Variants in FBXW7 observed in about 807,000 individuals in gnomAD.
The protein encoded by FBXW7 is F-box and WD repeat domain containing 7.
FBXW7 carries 11 observed loss-of-function variants against 86.3 expected under a neutral mutation model. The observed-to-expected ratio is 0.13, with a 90% confidence interval of 0.08 to 0.21. FBXW7 has a LOEUF of 0.21. Ranked by LOEUF, FBXW7 falls within the 10% of genes least tolerant of loss-of-function variation. The probability of loss-of-function intolerance (pLI) is 1.00; values close to 1 mark genes in which losing one functional copy is unlikely to be tolerated. For missense variants in FBXW7, 488 were observed against 847.4 expected, an observed-to-expected ratio of 0.58 and a Z score of 5.27; for synonymous variants, 313 against 297.9, an observed-to-expected ratio of 1.05 and a Z score of -0.52.
At chr4:152,449,124 T>C (rs1313021387) in intron 2 of FBXW7, among the ~76,000 whole-genome samples, 2 of 152,236 alleles carry the variant, frequency 1.3e-5, no homozygotes, top group East Asian at 3.8e-4. Flanking sequence ...AGCAAATTAC[T>C]GGATGGATTC....
chr4:152,466,708 C>T (rs913665838), intron 2 of FBXW7, among the ~76,000 whole-genome samples: 22 of 152,038 alleles, frequency 1.4e-4, no homozygotes, highest in Middle Eastern at 6.8e-3. Context: ...TTTGGGAGGC[C>T]GAGGTGGGCG....
At chr4:152,343,439 C>T (rs772365716) in intron 6 of FBXW7, among the ~76,000 whole-genome samples, 3 of 152,048 alleles carry the variant, frequency 2.0e-5, no homozygotes, top group African/African-American at 2.4e-5. Context: ...AGCAGATGTA[C>T]ATGTTTTTTC....
intron 2 of FBXW7, among the ~76,000 whole-genome samples, chr4:152,524,713 C>CT (rs538138073): frequency 6.8e-4 from 104 of 152,204 alleles, no homozygotes; most frequent in Admixed American, 1.7e-3. Context: ...CTCCCCACCT[C>CT]TGTACAACCC....
intron 2 of FBXW7, among the ~76,000 whole-genome samples, chr4:152,486,265 AAT>A (rs1175614396): frequency 6.6e-6 from 1 of 152,130 alleles, no homozygotes; most frequent in African/African-American, 2.4e-5. Flanking sequence ...AGGCTTTGTA[AAT>A]ATACACTCAA....
At chr4:152,495,190 T>C (rs776929143) in intron 2 of FBXW7, among the ~76,000 whole-genome samples, 2 of 152,162 alleles carry the variant, frequency 1.3e-5, no homozygotes, top group Non-Finnish European at 2.9e-5. Flanking sequence ...CCTAGCACTT[T>C]GGGAGGCCAA....
intron 2 of FBXW7, among the ~76,000 whole-genome samples, chr4:152,422,005 CAG>C (rs1738994350): frequency 6.6e-6 from 1 of 151,908 alleles, no homozygotes. Flanking sequence ...AAATGGGACA[CAG>C]AGACACACAG....
chr4:152,526,341 T>C (rs1749513088), intron 2 of FBXW7, among the ~76,000 whole-genome samples: 1 of 152,212 alleles, frequency 6.6e-6, no homozygotes, highest in Non-Finnish European at 1.5e-5. Flanking sequence ...GTTCTCAACA[T>C]AGAATTTCTT....
In FBXW7 at chr4:152,390,823, T is replaced by C. The variant is rs1171994079; in HGVS notation, c.501+20480A>G. ...ATTAGGACTAAGGAAATAATACTAA[T>C]ATTCTTTTAAAATACAGTAAGTAAT... On this transcript the variant is annotated intron_variant, in intron 4 of 13. Coordinates refer to ENST00000281708, the MANE Select transcript of FBXW7 (RefSeq NM_001349798.2). Among the ~76,000 whole-genome samples, 3 of 152,012 alleles carry C rather than the reference T, an allele frequency of 2.0e-5. No individual in the cohort carries two copies. In the East Asian group the frequency reaches 5.8e-4, roughly 29 times the overall value.
intron 2 of FBXW7, among the ~76,000 whole-genome samples, chr4:152,462,417 T>C (rs1006691022): frequency 6.6e-6 from 1 of 152,210 alleles, no homozygotes; most frequent in African/African-American, 2.4e-5. Context: ...TTACACTGGG[T>C]CCCCTGGGGT....
At chr4:152,428,199 A>T (rs1386700022) in intron 2 of FBXW7, among the ~76,000 whole-genome samples, 1 of 152,142 alleles carries the variant, frequency 6.6e-6, no homozygotes, top group Non-Finnish European at 1.5e-5. Flanking sequence ...ACTCATGACA[A>T]AGCAGCCTAC....
intron 4 of FBXW7, among the ~76,000 whole-genome samples, chr4:152,363,808 G>A (rs1439820869): frequency 1.3e-5 from 2 of 152,128 alleles, no homozygotes; most frequent in African/African-American, 2.4e-5. Flanking sequence ...TTTTACAGAT[G>A]AGGAAAGAGG....
intron 7 of FBXW7, among the ~76,000 whole-genome samples, chr4:152,333,110 A>T (rs1002401708): frequency 3.9e-5 from 6 of 152,184 alleles, no homozygotes; most frequent in African/African-American, 1.4e-4. Context: ...TCCCTGACAG[A>T]TAAGAAATGA....
In FBXW7 at chr4:152,411,879, G is replaced by A. The variant is rs34852439; in HGVS notation, c.-69-7C>T. On this transcript the variant is annotated splice_polypyrimidine_tract_variant and splice_region_variant and intron_variant, in intron 3 of 13. Transcript: ENST00000281708. ...ATGCAAAGGTTTTCACATTCTGCAG[G>A]GGAAAATAGGGTAAAAAACAAGATT... 1.0e-5 allele frequency: 15 copies of A among 1,460,406 alleles called. No homozygotes were observed. The highest frequency in any genetic ancestry group is 8.3e-5 in the Admixed American group (3 of 36,036). The allele number at this position is 1,460,406 out of a possible 1,614,324, so 90.5% of individuals were successfully genotyped here.
chr4:152,338,258 A>G (rs1578915258), intron 6 of FBXW7, among the ~76,000 whole-genome samples: 2 of 152,232 alleles, frequency 1.3e-5, no homozygotes, highest in Middle Eastern at 6.8e-3. Context: ...TTCCAGAAAC[A>G]TCATTTTGGG....
At chr4:152,350,754 C>T (rs1375323309) in intron 4 of FBXW7, among the ~76,000 whole-genome samples, 3 of 151,732 alleles carry the variant, frequency 2.0e-5, no homozygotes, top group African/African-American at 4.8e-5. Context: ...GGAAAGTTGT[C>T]AATTGATATA....
intron 2 of FBXW7, among the ~76,000 whole-genome samples, chr4:152,492,199 G>T (rs1745924712): frequency 6.6e-6 from 1 of 152,136 alleles, no homozygotes. Context: ...TCCATGTCAT[G>T]TTGTGTACAT....
intron 2 of FBXW7, among the ~76,000 whole-genome samples, chr4:152,448,632 GA>G (rs781202141): frequency 9.9e-5 from 15 of 152,198 alleles, no homozygotes; most frequent in Non-Finnish European, 2.1e-4. Context: ...TAAAAAATCA[GA>G]ACTGGTGATG....
chr4:152,507,609 T>C (rs1419607528), intron 2 of FBXW7, among the ~76,000 whole-genome samples: 1 of 152,166 alleles, frequency 6.6e-6, no homozygotes, highest in Non-Finnish European at 1.5e-5. Context: ...TTTAAAAAGA[T>C]GGTAAGATAC....
chr4:152,446,319 C>T (rs987386787), intron 2 of FBXW7, among the ~76,000 whole-genome samples: 1 of 146,830 alleles, frequency 6.8e-6, no homozygotes, highest in African/African-American at 2.5e-5. Context: ...CCCACCCCCC[C>T]AAAAAAAGAC....
Sources: gnomAD v4.1 joint callset for allele counts (sites outside exome capture counted in the v4.1 genomes callset) on GRCh38, gnomAD v4.1.1 for gene constraint, MANE v1.5 for transcripts, NCBI Gene and HGNC (gene_info 2026-07-23, HGNC 2026-07-21) for gene names.